SLC25A37: variants seen among roughly 807,000 people sequenced by gnomAD.
SLC25A37 encodes solute carrier family 25 member 37.
SLC25A37 carries 17 observed loss-of-function variants against 31.0 expected under a neutral mutation model. That is an observed-to-expected ratio of 0.55 (90% CI 0.38 to 0.82). The LOEUF (loss-of-function observed/expected upper bound fraction) is 0.82. Among genes scored for constraint, SLC25A37 ranks in the 40% least tolerant of loss-of-function variants. The pLI is 0.00. For synonymous variants in SLC25A37, 222 were observed against 193.0 expected, an observed-to-expected ratio of 1.15 and a Z score of -1.24; for missense variants, 404 against 465.8, an observed-to-expected ratio of 0.87 and a Z score of 1.22.
chr8:23,543,716 G>A (rs925739431), intron 1 of SLC25A37, among the ~76,000 whole-genome samples: 4 of 152,032 alleles, frequency 2.6e-5, no homozygotes, highest in African/African-American at 9.7e-5. Context: ...TGTATTTTTA[G>A]TAGAGATGGG....
At chr8:23,538,749 G>A (rs140699096) in intron 1 of SLC25A37, among the ~76,000 whole-genome samples, 4 of 152,266 alleles carry the variant, frequency 2.6e-5, no homozygotes, top group Non-Finnish European at 4.4e-5. Context: ...GAGCTAAGGC[G>A]ACAGAACCAG....
chr8:23,555,253 C>T (rs1445070040), intron 1 of SLC25A37, among the ~76,000 whole-genome samples: 1 of 152,172 alleles, frequency 6.6e-6, no homozygotes, highest in Non-Finnish European at 1.5e-5. Context: ...GTCAAAGTAA[C>T]ATATGTACAT....
intron 1 of SLC25A37, among the ~76,000 whole-genome samples, chr8:23,536,059 G>A (rs4871880): frequency 0.12 from 18,706 of 152,154 alleles, 1,556 homozygotes; most frequent in Admixed American, 0.22. Context: ...GCCACAGTGC[G>A]TGGTGCGTAC....
At position 23,529,071 on chromosome 8, in the gene SLC25A37, TGGC is replaced by T; in HGVS notation, c.79_81del (p.Gly27del). 5.0e-6 allele frequency: 8 copies of T among 1,594,216 alleles called. No individual in the cohort carries two copies. The highest frequency in any genetic ancestry group is 3.4e-5 in the South Asian group (3 of 88,224). ...GGAGGATGGATGGGGACAGCCGAGATGGCGGCGGCGGCAAGGACGCCACCGGGT... is the reference window on the plus strand; with the variant it reads ...GGAGGATGGATGGGGACAGCCGAGATGGCGGCGGCAAGGACGCCACCGGGT... On this transcript the variant is annotated inframe_deletion, in exon 1 of 4. Transcript: ENST00000519973. This position sits in a 1 kb window ranked among gnomAD's most constrained non-coding sequence, Gnocchi z 4.1.
chr8:23,531,054 G>A (rs906241644), intron 1 of SLC25A37, among the ~76,000 whole-genome samples: 2 of 152,150 alleles, frequency 1.3e-5, no homozygotes, highest in African/African-American at 2.4e-5. Context: ...AGAAGGAGCC[G>A]GTCTGGTTTT....
chr8:23,560,991 G>A (rs138012849), intron 1 of SLC25A37, among the ~76,000 whole-genome samples: 7 of 152,194 alleles, frequency 4.6e-5, no homozygotes, highest in Non-Finnish European at 1.0e-4. Flanking sequence ...AGCACTTAGT[G>A]AATCTGCATT....
At position 23,571,499 on chromosome 8, in the gene SLC25A37, T is replaced by TTCC; in HGVS notation, c.663_665dup (p.Leu222dup). 6.2e-7 allele frequency: 1 copy of TTCC among 1,613,968 alleles called. No individual in the cohort carries two copies. Among genetic ancestry groups the TTCC allele is most frequent in the Non-Finnish European group, 8.5e-7 (1 of 1,179,876 alleles). On this transcript the variant is annotated inframe_insertion, in exon 4 of 4. Coordinates refer to ENST00000519973, the MANE Select transcript of SLC25A37 (RefSeq NM_016612.4). The stretch of plus-strand genomic sequence containing the variant: ...GTCCATCCACTTCATCACCTATGAG[T>TTCC]TCCTGCAGGAGCAGGTCAACCCCCA...
intron 1 of SLC25A37, among the ~76,000 whole-genome samples, chr8:23,546,991 T>C (rs1802086093): frequency 1.3e-5 from 2 of 152,144 alleles, no homozygotes; most frequent in Non-Finnish European, 2.9e-5. Context: ...GGGAGCAGGC[T>C]GGTTGGTGAC....
At position 23,538,547 on chromosome 8, in the gene SLC25A37, T is replaced by TGTGTGTGTG. The variant is rs1563251552; in HGVS notation, c.210+9335_210+9336insGTGTGTGTG. Among the ~76,000 whole-genome samples the TGTGTGTGTG allele has an allele frequency of 8.0e-4, 116 of 145,542 alleles. 1 individual carries two copies. The highest frequency in any genetic ancestry group is 2.2e-3 in the East Asian group (11 of 5,016). The stretch of plus-strand genomic sequence containing the variant: ...CGTGTGTGTGTGTGTGTGTGTGTGT[T>TGTGTGTGTG]TGTGTGTGTGTGTAGAACCCAGCAA... On this transcript the variant is annotated intron_variant, in intron 1 of 3. Transcript: ENST00000519973.
chr8:23,571,294 A>C (rs1481422456), intron 3 of SLC25A37, 41 bp from the exon 4 acceptor site: 1 of 1,493,206 alleles, frequency 6.7e-7, no homozygotes, highest in Non-Finnish European at 8.9e-7. Context: ...CCCACTGCCC[A>C]CTGGCTGTCC....
intron 1 of SLC25A37, among the ~76,000 whole-genome samples, chr8:23,557,373 G>T (rs1409759239): frequency 6.6e-6 from 1 of 152,176 alleles, no homozygotes; most frequent in Non-Finnish European, 1.5e-5. Flanking sequence ...CATTTGTAGT[G>T]TGTGCCTTCT....
chr8:23,559,950 C>T lies in SLC25A37; in HGVS notation c.211-6158C>T, dbSNP rs530204278. On this transcript the variant is annotated intron_variant, in intron 1 of 3. Coordinates refer to ENST00000519973, the MANE Select transcript of SLC25A37 (RefSeq NM_016612.4). The stretch of plus-strand genomic sequence containing the variant: ...CACTCACTCCCAGATGTTTTTTCCC[C>T]TCTCTGATCCTCAAGGAATAGAAAA... Among the ~76,000 whole-genome samples, 146 of 152,312 alleles carry T rather than the reference C, an allele frequency of 9.6e-4. 1 individual carries two copies. Among genetic ancestry groups the T allele is most frequent in the Admixed American group, 3.7e-3 (57 of 15,298 alleles).
At chr8:23,531,467 T>G (rs752778) in intron 1 of SLC25A37, among the ~76,000 whole-genome samples, 3,011 of 152,332 alleles carry the variant, frequency 0.02, 44 homozygotes, top group East Asian at 0.072. Flanking sequence ...CTCTCCACAT[T>G]TTTAACCCAT....
intron 1 of SLC25A37, among the ~76,000 whole-genome samples, chr8:23,548,889 G>A (rs1308383778): frequency 6.6e-6 from 1 of 152,104 alleles, no homozygotes; most frequent in African/African-American, 2.4e-5. Flanking sequence ...CTTCGTTTCA[G>A]GCTCATCTTC....
intron 1 of SLC25A37, among the ~76,000 whole-genome samples, chr8:23,531,501 C>T (rs981979602): frequency 3.3e-5 from 5 of 152,234 alleles, no homozygotes; most frequent in Admixed American, 2.0e-4. Context: ...GAACACACAA[C>T]ACCCATCGTC....
chr8:23,547,543 CCTT>C (rs1300943293), intron 1 of SLC25A37, among the ~76,000 whole-genome samples: 1 of 152,220 alleles, frequency 6.6e-6, no homozygotes, highest in African/African-American at 2.4e-5. Flanking sequence ...AATTTCCACT[CCTT>C]CTTTTCACAG....
At chr8:23,566,391 TC>T in intron 2 of SLC25A37, 55 bp downstream of exon 2, 1 of 1,556,334 alleles carries the variant, frequency 6.4e-7, no homozygotes, top group Non-Finnish European at 8.6e-7. Flanking sequence ...AACACGTCCC[TC>T]CCCAGGGTGT....
chr8:23,567,312 T>C (rs1204693115), intron 2 of SLC25A37: 1 of 152,148 alleles, frequency 6.6e-6, no homozygotes, highest in East Asian at 1.9e-4. Flanking sequence ...TTTGTAAAAA[T>C]TGGCCATTAG....
intron 1 of SLC25A37, among the ~76,000 whole-genome samples, chr8:23,548,254 C>T (rs7009440): frequency 0.36 from 54,162 of 152,004 alleles, 10,730 homozygotes; most frequent in East Asian, 0.61. Context: ...TCTCGGTTCA[C>T]TGCAACCTCT....
Sources: allele counts gnomAD v4.1 joint callset (sites outside exome capture counted in the v4.1 genomes callset), GRCh38; gene constraint gnomAD v4.1.1; non-coding constraint Gnocchi (gnomAD v3.1); transcripts MANE v1.5; gene names NCBI Gene and HGNC (gene_info 2026-07-23, HGNC 2026-07-21).